GIPC1: variants seen among roughly 807,000 people sequenced by gnomAD.
GIPC1 encodes PDZ domain-containing protein GIPC1.
In GIPC1, 15 loss-of-function variants were observed where a neutral mutation model predicts 28.5. The ratio of observed to expected loss-of-function variants is 0.53; its 90% CI spans 0.35 to 0.81. GIPC1 has a LOEUF of 0.81. Ranked by LOEUF, GIPC1 falls within the 30% of genes least tolerant of loss-of-function variation. The pLI, the probability that GIPC1 is intolerant of heterozygous loss-of-function variation, is 0.01. For synonymous variants in GIPC1, 224 were observed against 206.1 expected (o/e 1.09, Z -0.74); for missense variants, 439 against 481.9 (o/e 0.91, Z 0.83).
chr19:14,495,699 G>A (rs954286304), intron 1 of GIPC1, among the ~76,000 whole-genome samples: 2 of 152,094 alleles, frequency 1.3e-5, no homozygotes, highest in Non-Finnish European at 2.9e-5. Context: ...TAGCTCAGGG[G>A]AAGTGCCCAG....
chr19:14,491,377 G>A (rs959501988), intron 3 of GIPC1, among the ~76,000 whole-genome samples: 7 of 151,894 alleles, frequency 4.6e-5, no homozygotes, highest in African/African-American at 1.7e-4. Flanking sequence ...TCCTGCCTCA[G>A]CCTCCTGAGT....
Position 14,478,364 on chromosome 19 carries a change from G to A in GIPC1, c.*52C>T. ...GTCCTGACGTCAGTGTCCCTGCTGG[G>A]GGCCCCCACCAGGTTGCGCCCGGGT... On this transcript the variant is annotated 3_prime_UTR_variant, in exon 9 of 9. Transcript: ENST00000393033. The surrounding 1 kb of genome is among the most constrained non-coding windows in gnomAD (Gnocchi z 5.2). 1 of 1,533,618 alleles carries A rather than the reference G, an allele frequency of 6.5e-7. No homozygotes were observed.
rs75802787 is a variant in GIPC1, at chr19:14,478,605, A to T, written c.851-38T>A. 71,196 of 1,613,074 alleles carry T rather than the reference A, an allele frequency of 0.044. 2,088 individuals are homozygous for T. Among genetic ancestry groups the T allele is most frequent in the African/African-American group, 0.11 (8,379 of 74,906 alleles). On this transcript the variant is annotated intron_variant, in intron 8 of 8. Coordinates refer to ENST00000393033, the MANE Select transcript of GIPC1 (RefSeq NM_005716.4). This position sits in a 1 kb window ranked among gnomAD's most constrained non-coding sequence, Gnocchi z 5.2. ...GGGTCAGAACGGAGGCACAAATGAC[A>T]CCAGGGACCAAGGGGCTCAGGGTGG... is the stretch of plus-strand genomic sequence containing the variant.
chr19:14,479,223 G>A (rs1270252954), intron 7 of GIPC1, among the ~76,000 whole-genome samples, 189 bp downstream of exon 7: 1 of 152,148 alleles, frequency 6.6e-6, no homozygotes, highest in Non-Finnish European at 1.5e-5. Context: ...ATGGTGGTGG[G>A]CACCTGTAAT....
intron 1 of GIPC1, among the ~76,000 whole-genome samples, chr19:14,495,350 C>A (rs1281280960): frequency 6.6e-6 from 1 of 152,054 alleles, no homozygotes; most frequent in South Asian, 2.1e-4. Context: ...CGGAGCTACT[C>A]AGCAACAACT....
chr19:14,488,933 ATTTT>A (rs199859179), intron 3 of GIPC1, among the ~76,000 whole-genome samples: 3 of 145,604 alleles, frequency 2.1e-5, no homozygotes, highest in Middle Eastern at 7.1e-3. Context: ...TGTTTTCCTG[ATTTT>A]TTTTTTTTAA....
At position 14,480,269 on chromosome 19, in the gene GIPC1, A is replaced by T. The variant is rs753010682; in HGVS notation, c.655+36T>A. The T allele has an allele frequency of 1.9e-6, 3 of 1,574,982 alleles. No homozygotes were observed. In the East Asian group the frequency reaches 6.7e-5, roughly 35 times the overall value. ...CACCACCGCCTGCGCCCATGCGAGC[A>T]GCGCCACTGGGGAGGTCCAGGGGGC... On this transcript the variant is annotated intron_variant, in intron 6 of 8. Transcript: ENST00000393033.
chr19:14,485,729 A>AGG (rs2071827186), intron 3 of GIPC1, among the ~76,000 whole-genome samples: 4 of 146,824 alleles, frequency 2.7e-5, no homozygotes, highest in African/African-American at 1.0e-4. Flanking sequence ...AGAGAGAGAG[A>AGG]GAGAGAGAGA....
chr19:14,491,362 G>A (rs1351795625), intron 3 of GIPC1, among the ~76,000 whole-genome samples: 3 of 151,826 alleles, frequency 2.0e-5, no homozygotes, highest in Non-Finnish European at 4.4e-5. Flanking sequence ...AGGTTCAAGC[G>A]ATTCTCCTGC....
intron 3 of GIPC1, among the ~76,000 whole-genome samples, chr19:14,488,913 C>G (rs2071904022): frequency 6.7e-6 from 1 of 149,764 alleles, no homozygotes; most frequent in East Asian, 2.0e-4. Flanking sequence ...AGGGAGGTAA[C>G]AGGTTGCTAT....
At chr19:14,484,473 C>T (rs1040718334) in intron 3 of GIPC1, among the ~76,000 whole-genome samples, 3 of 150,588 alleles carry the variant, frequency 2.0e-5, no homozygotes, top group Non-Finnish European at 3.0e-5. Flanking sequence ...AGGCCGGGTG[C>T]GGTGGCTCAT....
chr19:14,494,630 G>A (rs748538822), intron 1 of GIPC1, among the ~76,000 whole-genome samples: 6 of 152,112 alleles, frequency 3.9e-5, no homozygotes, highest in Non-Finnish European at 7.4e-5. Flanking sequence ...GCACATGCAC[G>A]TAGCAGGTGC....
In GIPC1 at chr19:14,485,702, T is replaced by TATATATATAGAG. The variant is rs1300117748; in HGVS notation, c.-30-2697_-30-2696insCTCTATATATAT. Among the ~76,000 whole-genome samples, 358 of 58,596 alleles carry TATATATATAGAG rather than the reference T, an allele frequency of 6.1e-3. 1 individual carries two copies. Among genetic ancestry groups the TATATATATAGAG allele is most frequent in the Non-Finnish European group, 0.01 (275 of 27,088 alleles). The allele number at this position is 58,596 out of a possible 152,430, so 38.4% of individuals were successfully genotyped here. A position where few individuals can be genotyped will look rare whatever the true frequency, so the allele number is the denominator to read the frequency against. ...ATAAACAAATATATATATATATATATAGAGAGAGAGAGAGAGAGAGAGAGA... is the reference window on the plus strand; with the variant it reads ...ATAAACAAATATATATATATATATATATATATATAGAGAGAGAGAGAGAGAGAGAGAGAGAGA... On this transcript the variant is annotated intron_variant, in intron 3 of 8. Transcript: ENST00000393033.
Position 14,482,932 on chromosome 19 carries a change from C to G in GIPC1, c.45G>C (p.Val15=). ...LGRRKKAPPL[V]ENEEAEPGRG... Reference sequence around the variant, plus strand: ...GGCCTGGCTCAGCCTCCTCATTTTCCACTAGAGGGGGCGCCTTTTTCCGCC... The same window carrying G: ...GGCCTGGCTCAGCCTCCTCATTTTCGACTAGAGGGGGCGCCTTTTTCCGCC... The change falls in exon 4 of 9, where the codon GTG becomes GTC. Residue 15 remains valine (V), a synonymous_variant. Transcript: ENST00000393033. 6.2e-7 allele frequency: 1 copy of G among 1,611,180 alleles called. No individual in the cohort carries two copies. Among genetic ancestry groups the G allele is most frequent in the Non-Finnish European group, 8.5e-7 (1 of 1,179,458 alleles).
chr19:14,487,770 G>A (rs964374933), intron 3 of GIPC1, among the ~76,000 whole-genome samples: 1 of 143,430 alleles, frequency 7.0e-6, no homozygotes, highest in Non-Finnish European at 1.5e-5. Context: ...TTGCCCTCCT[G>A]GGCTCAAGTG....
At chr19:14,489,710 T>C (rs1428035543) in intron 3 of GIPC1, 2 of 729,798 alleles carry the variant, frequency 2.7e-6, no homozygotes, top group Non-Finnish European at 2.5e-6. Flanking sequence ...ATTTTCATAT[T>C]AGACTTTTTG....
chr19:14,496,005 G>A, intron 1 of GIPC1, 32 bp downstream of exon 1: 1 of 213,820 alleles, frequency 4.7e-6, no homozygotes. Flanking sequence ...GGCCCCCGGA[G>A]CAGACACATC....
chr19:14,489,547 C>G, intron 3 of GIPC1: 2 of 953,964 alleles, frequency 2.1e-6, no homozygotes, highest in Non-Finnish European at 3.5e-6. Context: ...TAGTGGACAA[C>G]AGAAAAATAT....
chr19:14,491,405 CGT>C (rs1393757672), intron 3 of GIPC1, among the ~76,000 whole-genome samples: 1 of 151,886 alleles, frequency 6.6e-6, no homozygotes, highest in East Asian at 1.9e-4. Context: ...ATTACAGGTG[CGT>C]GCCACCACAC....
Sources: allele counts gnomAD v4.1 joint callset (sites outside exome capture counted in the v4.1 genomes callset), GRCh38; gene constraint gnomAD v4.1.1; non-coding constraint Gnocchi (gnomAD v3.1); transcripts MANE v1.5; gene names NCBI Gene and HGNC (gene_info 2026-07-23, HGNC 2026-07-21).